Variants in OR51B5 observed in about 807,000 individuals in gnomAD.
OR51B5 encodes the protein olfactory receptor 51B5.
For missense variants in OR51B5, 456 were observed against 374.6 expected (o/e 1.22, Z -1.79); for synonymous variants, 186 against 144.8 (o/e 1.28, Z -2.04).
At chr11:5,363,384 G>A (rs1849317032) in intron 1 of OR51B5, among the ~76,000 whole-genome samples, 2 of 144,764 alleles carry the variant, frequency 1.4e-5, no homozygotes, top group Non-Finnish European at 3.0e-5. Flanking sequence ...AAGCTATGGT[G>A]TTGAGTACAT....
chr11:5,366,709 G>A (rs1349184021), intron 1 of OR51B5, among the ~76,000 whole-genome samples: 1 of 151,188 alleles, frequency 6.6e-6, no homozygotes, highest in Non-Finnish European at 1.5e-5. Context: ...AAAAAGTAGA[G>A]GAGGAGGAAA....
chr11:5,422,762 C>A (rs111420940), intron 1 of OR51B5: 2 of 1,614,002 alleles, frequency 1.2e-6, no homozygotes, highest in African/African-American at 2.7e-5. Context: ...GGATATGATC[C>A]GCCTGGTCTG....
At chr11:5,348,910 G>C (rs1849034155) in intron 1 of OR51B5, among the ~76,000 whole-genome samples, 1 of 152,108 alleles carries the variant, frequency 6.6e-6, no homozygotes. Flanking sequence ...GAGATACTAA[G>C]TGCTTGAGAC....
At chr11:5,366,987 A>C (rs1211413353) in intron 1 of OR51B5, among the ~76,000 whole-genome samples, 1 of 152,068 alleles carries the variant, frequency 6.6e-6, no homozygotes, top group Non-Finnish European at 1.5e-5. Context: ...TCCCCTCCCA[A>C]AGTTTGAAAA....
chr11:5,344,214 T>A (rs1848953527), upstream of OR51B5, among the ~76,000 whole-genome samples: 1 of 152,230 alleles, frequency 6.6e-6, no homozygotes, highest in African/African-American at 2.4e-5. Context: ...AATAGCTCAG[T>A]CTAATTATAA....
At chr11:5,414,653 C>T (rs1273498929) in intron 1 of OR51B5, among the ~76,000 whole-genome samples, 1 of 151,968 alleles carries the variant, frequency 6.6e-6, no homozygotes, top group East Asian at 1.9e-4. Context: ...ATAAAACAGA[C>T]TTTAAACCAA....
chr11:5,426,587 A>T (rs1850453477), intron 1 of OR51B5, among the ~76,000 whole-genome samples: 2 of 152,146 alleles, frequency 1.3e-5, no homozygotes, highest in Admixed American at 1.3e-4. Flanking sequence ...TTAATGAATC[A>T]GTTTCTCATG....
intron 1 of OR51B5, among the ~76,000 whole-genome samples, chr11:5,409,459 C>T (rs1008698899): frequency 6.6e-6 from 1 of 151,674 alleles, no homozygotes; most frequent in Non-Finnish European, 1.5e-5. Flanking sequence ...GAAAAATTCA[C>T]CAAAGAATCG....
chr11:5,360,119 G>A lies in OR51B5; in HGVS notation n.85-13209C>T, dbSNP rs866037901. On this transcript the variant is annotated intron_variant and non_coding_transcript_variant, in intron 1 of 4. Coordinates refer to the OR51B5 transcript ENST00000415970. ...CATGTCTAAAACACCAAAAGCAATG[G>A]CAACAAAAGCCAAAATGGACAAATG... is the stretch of plus-strand genomic sequence containing the variant. Among the ~76,000 whole-genome samples the A allele has an allele frequency of 3.9e-5, 6 of 151,926 alleles. No individual in the cohort carries two copies. In the South Asian group the frequency reaches 1.2e-3, roughly 32 times the overall value.
intron 1 of OR51B5, among the ~76,000 whole-genome samples, chr11:5,383,599 G>C (rs372507323): frequency 6.6e-6 from 1 of 152,178 alleles, no homozygotes; most frequent in Admixed American, 6.5e-5. Flanking sequence ...AAACAGATAA[G>C]GCAGTAGTAC....
At chr11:5,379,958 A>T (rs888738974) in intron 1 of OR51B5, among the ~76,000 whole-genome samples, 1 of 151,554 alleles carries the variant, frequency 6.6e-6, no homozygotes, top group African/African-American at 2.4e-5. Context: ...TGGACTTTTA[A>T]GTCACCAGAA....
chr11:5,360,834 C>A (rs922045311), intron 1 of OR51B5, among the ~76,000 whole-genome samples: 54 of 150,754 alleles, frequency 3.6e-4, no homozygotes, highest in African/African-American at 1.2e-3. Context: ...AGTTCATGTC[C>A]TTTGTAGGGA....
intron 1 of OR51B5, among the ~76,000 whole-genome samples, chr11:5,451,140 C>T (rs1175330904): frequency 2.0e-5 from 3 of 152,138 alleles, no homozygotes; most frequent in Admixed American, 6.5e-5. Context: ...TTTTCTTTCT[C>T]AGTATTACTT....
At chr11:5,400,895 A>G (rs1032085354) in intron 1 of OR51B5, among the ~76,000 whole-genome samples, 1 of 152,242 alleles carries the variant, frequency 6.6e-6, no homozygotes, top group African/African-American at 2.4e-5. Flanking sequence ...TAAGTTCAGC[A>G]GTGGCTGAAT....
downstream of OR51B5, chr11:5,340,439 A>C (rs536662670): frequency 7.7e-6 from 1 of 129,156 alleles, no homozygotes; most frequent in East Asian, 2.0e-4. Flanking sequence ...AATTCTAAGC[A>C]TTGCATTTTA....
At chr11:5,340,528 A>G (rs1848877788), downstream of OR51B5, 1 of 151,838 alleles carries the variant, frequency 6.6e-6, no homozygotes, top group Non-Finnish European at 1.5e-5. Flanking sequence ...AAGTTCTTCT[A>G]CTGCGGTTAG....
chr11:5,347,255 A>T (rs1849007401), upstream of OR51B5, among the ~76,000 whole-genome samples: 1 of 152,152 alleles, frequency 6.6e-6, no homozygotes, highest in Non-Finnish European at 1.5e-5. Flanking sequence ...GAGAAAGCCT[A>T]TATATCTTCT....
chr11:5,350,938 TCTGAAATTTA>T (rs1849072618), intron 1 of OR51B5, among the ~76,000 whole-genome samples: 1 of 152,194 alleles, frequency 6.6e-6, no homozygotes, highest in Non-Finnish European at 1.5e-5. Flanking sequence ...AAAGTCAATC[TCTGAAATTTA>T]CTATTTTATT....
chr11:5,342,500 A>T (rs1192809592), downstream of OR51B5: 1 of 1,470,778 alleles, frequency 6.8e-7, no homozygotes, highest in African/African-American at 1.4e-5. Flanking sequence ...TCATATGAGC[A>T]TGCATGCTAG....
Sources: allele counts gnomAD v4.1 joint callset (sites outside exome capture counted in the v4.1 genomes callset), GRCh38; gene constraint gnomAD v4.1.1; transcripts MANE v1.5; gene names NCBI Gene and HGNC (gene_info 2026-07-23, HGNC 2026-07-21).